FAM124A: variants seen among roughly 807,000 people sequenced by gnomAD.
FAM124A encodes the protein protein FAM124A.
Under a neutral mutation model 24.5 loss-of-function variants are expected in FAM124A, and 23 were observed. That is an observed-to-expected ratio of 0.94 (90% CI 0.68 to 1.33). The LOEUF (loss-of-function observed/expected upper bound fraction) is 1.33, where lower values mean the gene tolerates loss of function less well. Among genes scored for constraint, FAM124A ranks in the 40% most tolerant of loss-of-function variants. FAM124A has a pLI of 0.00. For missense variants in FAM124A, 623 were observed against 722.8 expected, an observed-to-expected ratio of 0.86 and a Z score of 1.58; for synonymous variants, 287 against 314.7, an observed-to-expected ratio of 0.91 and a Z score of 0.93.
rs183555465 is a variant in FAM124A, at chr13:51,258,876, C to T, written c.834+6675C>T. Among the ~76,000 whole-genome samples the T allele has an allele frequency of 5.3e-5, 8 of 152,284 alleles. No individual in the cohort carries two copies. Among genetic ancestry groups the T allele is most frequent in the East Asian group, 1.9e-4 (1 of 5,180 alleles). ...ACGTGGCCGGGGTAGGAAGATGCCACGAGAGGCTGCTCAGAAGAACCTATG... is the reference window on the plus strand; with the variant it reads ...ACGTGGCCGGGGTAGGAAGATGCCATGAGAGGCTGCTCAGAAGAACCTATG... On this transcript the variant is annotated intron_variant, in intron 3 of 3. Coordinates refer to ENST00000322475, the MANE Select transcript of FAM124A (RefSeq NM_001242312.2). This position sits in a 1 kb window ranked among gnomAD's most constrained non-coding sequence, Gnocchi z 4.2.
chr13:51,223,687 G>T lies in FAM124A; in HGVS notation c.68+1118G>T, dbSNP rs1954286854. Among the ~76,000 whole-genome samples the T allele has an allele frequency of 2.0e-5, 3 of 152,194 alleles. No homozygotes were observed. In the South Asian group the frequency reaches 6.2e-4, roughly 32 times the overall value. ...CTTTACTCCCTAGGGCATTCACCCA[G>T]CAATGGGCTTTCTCTGTTATCCAAA... On this transcript the variant is annotated intron_variant, in intron 1 of 3. Transcript: ENST00000322475.
chr13:51,283,169 GTAGCTGCGAC>G lies in FAM124A; in HGVS notation c.*1916_*1925del, dbSNP rs1954956411. On this transcript the variant is annotated 3_prime_UTR_variant, in exon 4 of 4. Coordinates refer to ENST00000322475, the MANE Select transcript of FAM124A (RefSeq NM_001242312.2). ...CCATTCTCCTGCCTCAGCCTCCCAA[GTAGCTGCGAC>G]TACAGGTGCGCACCACAATGCCTGG... 1 of 152,300 alleles carries G rather than the reference GTAGCTGCGAC, an allele frequency of 6.6e-6. No individual in the cohort carries two copies. Among genetic ancestry groups the G allele is most frequent in the Non-Finnish European group, 1.5e-5 (1 of 68,160 alleles). 9.4% of individuals were successfully genotyped at this position (152,300 alleles called of 1,614,324 possible). A position where few individuals can be genotyped will look rare whatever the true frequency, so the allele number is the denominator to read the frequency against.
chr13:51,225,251 A>G (rs1315417397), intron 1 of FAM124A: 1 of 152,208 alleles, frequency 6.6e-6, no homozygotes, highest in Non-Finnish European at 1.5e-5. Flanking sequence ...AGTTGGGTAT[A>G]TCTGTCTGGA....
intron 2 of FAM124A, among the ~76,000 whole-genome samples, chr13:51,233,825 T>C (rs1954406029): frequency 1.3e-5 from 2 of 152,214 alleles, no homozygotes; most frequent in Non-Finnish European, 2.9e-5. Context: ...ATTTTTAAAA[T>C]AATGTTTCCC....
intron 2 of FAM124A, among the ~76,000 whole-genome samples, chr13:51,232,304 C>T (rs1005330296): frequency 1.3e-5 from 2 of 151,716 alleles, no homozygotes; most frequent in Admixed American, 1.3e-4. Flanking sequence ...TGATTGAATA[C>T]TTATTTTAAA....
intron 2 of FAM124A, among the ~76,000 whole-genome samples, chr13:51,237,186 T>C (rs537463711): frequency 6.6e-6 from 1 of 152,330 alleles, no homozygotes; most frequent in Non-Finnish European, 1.5e-5. Flanking sequence ...GGTCTGCCCC[T>C]ATTTTCATTA....
chr13:51,268,389 T>C (rs1439215797), intron 3 of FAM124A, among the ~76,000 whole-genome samples: 1 of 152,226 alleles, frequency 6.6e-6, no homozygotes, highest in Non-Finnish European at 1.5e-5. Flanking sequence ...ACTCTCTTAA[T>C]GTCATATTTA....
chr13:51,269,364 TAAGAC>T (rs1218658967), intron 3 of FAM124A, among the ~76,000 whole-genome samples: 1 of 152,250 alleles, frequency 6.6e-6, no homozygotes, highest in Admixed American at 6.5e-5. Context: ...TTTGACCTAT[TAAGAC>T]AAGAGGTCAA....
In FAM124A at chr13:51,245,445, TC is replaced by T. The variant is rs371647634; in HGVS notation, c.101-6021del. 7.6e-4 allele frequency: 465 copies of T among 613,208 alleles called. 5 individuals carry two copies. Among genetic ancestry groups the T allele is most frequent in the Middle Eastern group, 5.2e-3 (14 of 2,702 alleles). 38.0% of individuals were successfully genotyped at this position (613,208 alleles called of 1,614,324 possible). A position where few individuals can be genotyped will look rare whatever the true frequency, so the allele number is the denominator to read the frequency against. Reference sequence around the variant, plus strand: ...GTAGCCCTTTTCTATTGGCGCAGCTTCCGGCATTCATCTGTGCAAGCTTCCA... The same window carrying T: ...GTAGCCCTTTTCTATTGGCGCAGCTTCGGCATTCATCTGTGCAAGCTTCCA... On this transcript the variant is annotated intron_variant, in intron 2 of 3. Coordinates refer to ENST00000322475, the MANE Select transcript of FAM124A (RefSeq NM_001242312.2).
chr13:51,258,785 C>T lies in FAM124A; in HGVS notation c.834+6584C>T, dbSNP rs766368526. Reference sequence around the variant, plus strand: ...AGACCTGTGGGAAGAATGCCTCTGGCGTGCCCTCGGTCAGCACCCATGACC... The same window carrying T: ...AGACCTGTGGGAAGAATGCCTCTGGTGTGCCCTCGGTCAGCACCCATGACC... On this transcript the variant is annotated intron_variant, in intron 3 of 3. Coordinates refer to ENST00000322475, the MANE Select transcript of FAM124A (RefSeq NM_001242312.2). This position sits in a 1 kb window ranked among gnomAD's most constrained non-coding sequence, Gnocchi z 4.2. Among the ~76,000 whole-genome samples, 1 of 152,186 alleles carries T rather than the reference C, an allele frequency of 6.6e-6. No homozygotes were observed. The highest frequency in any genetic ancestry group is 1.5e-5 in the Non-Finnish European group (1 of 68,036).
At chr13:51,252,649 A>C in intron 3 of FAM124A, 1 of 172,504 alleles carries the variant, frequency 5.8e-6, no homozygotes, top group Non-Finnish European at 1.3e-5. Context: ...TAAAATATAT[A>C]TTGATGTTCA....
intron 2 of FAM124A, among the ~76,000 whole-genome samples, chr13:51,234,701 CACTTACCTG>C (rs1566161598): frequency 6.6e-6 from 1 of 152,180 alleles, no homozygotes. Context: ...AGCACTGAGG[CACTTACCTG>C]TTTTCTCTTT....
chr13:51,226,104 C>T lies in FAM124A; in HGVS notation c.68+3535C>T, dbSNP rs1011531035. On this transcript the variant is annotated intron_variant, in intron 1 of 3. Coordinates refer to ENST00000322475, the MANE Select transcript of FAM124A (RefSeq NM_001242312.2). Reference sequence around the variant, plus strand: ...AATTCCAAGGCTCAAGTAATCCTCCCACCTCAGCCTCCTAAGTAGCTGGGA... The same window carrying T: ...AATTCCAAGGCTCAAGTAATCCTCCTACCTCAGCCTCCTAAGTAGCTGGGA... Among the ~76,000 whole-genome samples, 8 of 149,730 alleles carry T rather than the reference C, an allele frequency of 5.3e-5. 1 individual carries two copies. The highest frequency in any genetic ancestry group is 4.3e-4 in the South Asian group (2 of 4,644).
chr13:51,279,586 C>T (rs565079677), intron 3 of FAM124A, among the ~76,000 whole-genome samples: 1 of 152,266 alleles, frequency 6.6e-6, no homozygotes, highest in South Asian at 2.1e-4. Context: ...GAAGCAGACC[C>T]TGGTGCAAAT....
intron 1 of FAM124A, among the ~76,000 whole-genome samples, chr13:51,229,738 G>C (rs908305679): frequency 1.3e-5 from 2 of 152,216 alleles, no homozygotes; most frequent in African/African-American, 4.8e-5. Context: ...ATCTACCACA[G>C]TGGATATTTG....
chr13:51,248,642 T>A (rs1954588896), intron 2 of FAM124A, among the ~76,000 whole-genome samples: 1 of 152,038 alleles, frequency 6.6e-6, no homozygotes, highest in Middle Eastern at 3.4e-3. Flanking sequence ...ACCGGTGGGC[T>A]CCCCCAAGTA....
intron 3 of FAM124A, among the ~76,000 whole-genome samples, chr13:51,265,510 C>A (rs1954776872): frequency 6.6e-6 from 1 of 152,142 alleles, no homozygotes; most frequent in Non-Finnish European, 1.5e-5. Context: ...CTATACAATG[C>A]TGCAGGGAAG....
chr13:51,229,981 C>T (rs539830939), intron 1 of FAM124A, among the ~76,000 whole-genome samples: 3 of 152,246 alleles, frequency 2.0e-5, no homozygotes, highest in East Asian at 1.9e-4. Flanking sequence ...CTCCACCCAC[C>T]GTGCACACTC....
chr13:51,271,668 G>A (rs1006408283), intron 3 of FAM124A, among the ~76,000 whole-genome samples: 4 of 152,120 alleles, frequency 2.6e-5, no homozygotes, highest in Non-Finnish European at 5.9e-5. Flanking sequence ...ACCGGCCCAC[G>A]TAATACAATA....
Sources: gnomAD v4.1 joint callset for allele counts (sites outside exome capture counted in the v4.1 genomes callset) on GRCh38, gnomAD v4.1.1 for gene constraint, Gnocchi (gnomAD v3.1) non-coding constraint, MANE v1.5 for transcripts, NCBI Gene and HGNC (gene_info 2026-07-23, HGNC 2026-07-21) for gene names.